SYT1: variants seen among roughly 807,000 people sequenced by gnomAD.
SYT1 encodes the protein synaptotagmin 1, also known as synaptotagmin-1.
In SYT1, 8 loss-of-function variants were observed where a neutral mutation model predicts 44.8. That is an observed-to-expected ratio of 0.18 (90% CI 0.10 to 0.32). The LOEUF is 0.32. Ranked by LOEUF, SYT1 falls within the 10% of genes least tolerant of loss-of-function variation. SYT1 has a pLI of 1.00. For missense variants in SYT1, 286 were observed against 509.3 expected (o/e 0.56, Z 4.22); for synonymous variants, 154 against 188.8 (o/e 0.82, Z 1.51).
chr12:78,989,627 A>G (rs924912931), intron 2 of SYT1, among the ~76,000 whole-genome samples: 6 of 152,094 alleles, frequency 3.9e-5, no homozygotes, highest in African/African-American at 1.4e-4. Context: ...AAGAGAGAAA[A>G]TATCTTCCAG....
chr12:79,078,273 T>C (rs896232585), intron 3 of SYT1, among the ~76,000 whole-genome samples: 8 of 152,112 alleles, frequency 5.3e-5, no homozygotes, highest in African/African-American at 1.9e-4. Flanking sequence ...CTTCACTCTG[T>C]TCTTGGATCT....
At chr12:79,185,948 T>G (rs551241129) in intron 3 of SYT1, among the ~76,000 whole-genome samples, 1 of 152,182 alleles carries the variant, frequency 6.6e-6, no homozygotes, top group East Asian at 1.9e-4. Flanking sequence ...TGTTTTACTT[T>G]CTGACATTTT....
chr12:78,895,719 A>G (rs1875323786), intron 1 of SYT1, among the ~76,000 whole-genome samples: 1 of 151,804 alleles, frequency 6.6e-6, no homozygotes, highest in African/African-American at 2.4e-5. Context: ...TATTAAGGAC[A>G]ATAAAAAGTG....
intron 8 of SYT1, among the ~76,000 whole-genome samples, chr12:79,306,843 G>A (rs1669627154): frequency 6.6e-6 from 1 of 152,104 alleles, no homozygotes; most frequent in African/African-American, 2.4e-5. Context: ...TAAAACAAAA[G>A]GAGAATGAGA....
intron 9 of SYT1, among the ~76,000 whole-genome samples, chr12:79,355,621 C>T (rs1001830710): frequency 6.6e-6 from 1 of 152,128 alleles, no homozygotes; most frequent in Admixed American, 6.5e-5. Flanking sequence ...CTATGTCATG[C>T]CATATCTCAT....
At chr12:79,049,413 A>G (rs1208674439) in intron 3 of SYT1, among the ~76,000 whole-genome samples, 1 of 151,876 alleles carries the variant, frequency 6.6e-6, no homozygotes, top group Non-Finnish European at 1.5e-5. Context: ...TCAGATTTTA[A>G]TTACCTATTA....
At chr12:79,239,708 AG>A (rs1481146386) in intron 4 of SYT1, among the ~76,000 whole-genome samples, 1 of 152,248 alleles carries the variant, frequency 6.6e-6, no homozygotes, top group Non-Finnish European at 1.5e-5. Context: ...CCAGCCTAAC[AG>A]GGTCCTCTGC....
At chr12:79,448,116 G>T (rs1324769606) in intron 10 of SYT1, among the ~76,000 whole-genome samples, 1 of 152,012 alleles carries the variant, frequency 6.6e-6, no homozygotes, top group Non-Finnish European at 1.5e-5. Flanking sequence ...AATGGTATAG[G>T]TTTGCTTTCA....
chr12:79,059,122 G>C (rs1026844534), intron 3 of SYT1, among the ~76,000 whole-genome samples: 1 of 152,036 alleles, frequency 6.6e-6, no homozygotes, highest in Non-Finnish European at 1.5e-5. Flanking sequence ...AAGGGAGCAC[G>C]TGCAGAGGAA....
At chr12:79,408,301 A>C (rs1868310750) in intron 9 of SYT1, among the ~76,000 whole-genome samples, 1 of 152,150 alleles carries the variant, frequency 6.6e-6, no homozygotes, top group African/African-American at 2.4e-5. Context: ...GAAGAATTAG[A>C]AATTGCTCAA....
intron 4 of SYT1, among the ~76,000 whole-genome samples, chr12:79,239,634 A>G (rs985590308): frequency 6.6e-6 from 1 of 152,242 alleles, no homozygotes; most frequent in Admixed American, 6.5e-5. Context: ...TTGCTACAAT[A>G]TTAGTGGCTT....
intron 4 of SYT1, among the ~76,000 whole-genome samples, chr12:79,274,710 A>T (rs536805578): frequency 2.5e-4 from 38 of 152,228 alleles, no homozygotes; most frequent in African/African-American, 8.4e-4. Flanking sequence ...AACCTAGGCC[A>T]TGCATAAATC....
Position 79,292,022 on chromosome 12 carries a change from T to A in SYT1, c.366T>A (p.Asp122Glu), listed in dbSNP as rs1382922670. ...TCTATACATAGGCCCTCAAGGATGA[T>A]GATGCTGAAACTGGATTGACAGATG... ...KTMKDQALKD[D>E]DAETGLTDGE... The change falls in exon 6 of 11, where the codon GAT (aspartate) becomes GAA (glutamate). Residue 122 changes from aspartate (D) to glutamate (E), a missense_variant. By Grantham distance (45) the Asp-to-Glu change is conservative (BLOSUM62 2). This residue lies in a region of SYT1 where 141 missense variants were observed against 165.7 expected (regional missense o/e 0.85). Transcript: ENST00000261205. 1 of 1,613,814 alleles carries A rather than the reference T, an allele frequency of 6.2e-7. No homozygotes were observed. Among genetic ancestry groups the A allele is most frequent in the Non-Finnish European group, 8.5e-7 (1 of 1,180,000 alleles).
chr12:79,123,566 C>T (rs1384510916), intron 3 of SYT1, among the ~76,000 whole-genome samples: 1 of 152,132 alleles, frequency 6.6e-6, no homozygotes, highest in Non-Finnish European at 1.5e-5. Flanking sequence ...GTATTGAAAG[C>T]AGTTTGTTAA....
chr12:78,962,315 A>G (rs1383927563), intron 1 of SYT1, among the ~76,000 whole-genome samples: 1 of 150,632 alleles, frequency 6.6e-6, no homozygotes, highest in Non-Finnish European at 1.5e-5. Context: ...CGCAGTAATC[A>G]TTCAATAGCA....
intron 8 of SYT1, among the ~76,000 whole-genome samples, chr12:79,312,714 G>C (rs775757432): frequency 8.8e-5 from 13 of 148,008 alleles, no homozygotes; most frequent in Non-Finnish European, 1.6e-4. Context: ...CTTCAGAGCT[G>C]CTTCTTATTT....
chr12:79,322,780 A>G (rs778416989), intron 8 of SYT1, among the ~76,000 whole-genome samples: 2 of 152,158 alleles, frequency 1.3e-5, no homozygotes, highest in Non-Finnish European at 2.9e-5. Flanking sequence ...AAAAGCCTCC[A>G]CTTGAGGCAG....
At chr12:78,915,364 T>C (rs1035740575) in intron 1 of SYT1, among the ~76,000 whole-genome samples, 2 of 151,970 alleles carry the variant, frequency 1.3e-5, no homozygotes, top group African/African-American at 4.8e-5. Context: ...GTGATTTTGA[T>C]GCATAGCCAA....
intron 3 of SYT1, among the ~76,000 whole-genome samples, chr12:79,179,865 T>G (rs1872410633): frequency 6.6e-6 from 1 of 152,108 alleles, no homozygotes; most frequent in Admixed American, 6.6e-5. Context: ...AACTTTACAC[T>G]TGAAAAAGTT....
Sources: gnomAD v4.1 joint callset for allele counts (sites outside exome capture counted in the v4.1 genomes callset) on GRCh38, gnomAD v4.1.1 for gene constraint, gnomAD v4.1.1 regional missense constraint, MANE v1.5 for transcripts, NCBI Gene and HGNC (gene_info 2026-07-23, HGNC 2026-07-21) for gene names.